DAPK2: variants seen among roughly 807,000 people sequenced by gnomAD.
The protein encoded by DAPK2 is death-associated protein kinase 2.
DAPK2 carries 35 observed loss-of-function variants against 44.1 expected under a neutral mutation model. The ratio of observed to expected loss-of-function variants is 0.79; its 90% confidence interval spans 0.61 to 1.05. The LOEUF (loss-of-function observed/expected upper bound fraction) is 1.05. DAPK2 is among the 50% of genes least tolerant of loss of function. The pLI, the probability that DAPK2 is intolerant of heterozygous loss-of-function variation, is 0.00. For missense variants in DAPK2, 453 were observed against 483.2 expected, an observed-to-expected ratio of 0.94 and a Z score of 0.59; for synonymous variants, 174 against 182.6, an observed-to-expected ratio of 0.95 and a Z score of 0.38.
chr15:64,024,259 C>A (rs172995), intron 1 of DAPK2, among the ~76,000 whole-genome samples: 101,018 of 152,028 alleles, frequency 0.66, 33,975 homozygotes, highest in East Asian at 0.79. Context: ...GGGTCCTTGC[C>A]TGAGACTTCA....
Position 63,908,470 on chromosome 15 carries a change from G to C in DAPK2, c.*50C>G. The C allele has an allele frequency of 7.5e-7, 1 of 1,340,246 alleles. No homozygotes were observed. The highest frequency in any genetic ancestry group is 1.0e-6 in the Non-Finnish European group (1 of 979,688). 83.0% of individuals were successfully genotyped at this position (1,340,246 alleles called of 1,614,324 possible). A position where few individuals can be genotyped will look rare whatever the true frequency, so the allele number is the denominator to read the frequency against. On this transcript the variant is annotated 3_prime_UTR_variant, in exon 11 of 11. Coordinates refer to ENST00000261891, the Ensembl canonical transcript of DAPK2. The surrounding 1 kb of genome is among the most constrained non-coding windows in gnomAD (Gnocchi z 5.7). ...TGGGTCCAAAAGTCTGCACAGAAGG[G>C]AGCCCCGCTGGGCCCAGACCTCCCT...
rs2080461741 is a variant in DAPK2, at chr15:64,046,313, T to C, written c.-22A>G. 2 of 964,408 alleles carry C rather than the reference T, an allele frequency of 2.1e-6. 1 individual carries two copies. The highest frequency in any genetic ancestry group is 1.0e-4 in the South Asian group (2 of 19,878). The allele number at this position is 964,408 out of a possible 1,614,324, so 59.7% of individuals were successfully genotyped here. ...TGCTACTCACGGCGGGAGGCTGAGC[T>C]GCCGCGGTCGCGGCCGCGGCAGGCG... On this transcript the variant is annotated 5_prime_UTR_variant, in exon 1 of 12. Coordinates refer to the DAPK2 transcript ENST00000457488. This position sits in a 1 kb window ranked among gnomAD's most constrained non-coding sequence, Gnocchi z 5.3.
intron 1 of DAPK2, among the ~76,000 whole-genome samples, chr15:64,034,439 G>T (rs976755902): frequency 1.3e-5 from 2 of 152,106 alleles, no homozygotes; most frequent in African/African-American, 2.4e-5. Flanking sequence ...TCCTTCCCCC[G>T]CCGAAGTCTC....
At chr15:63,940,580 C>T (rs141721916) in intron 3 of DAPK2, among the ~76,000 whole-genome samples, 1,670 of 152,004 alleles carry the variant, frequency 0.011, 14 homozygotes, top group Non-Finnish European at 0.015. Context: ...GGTGTGGTGG[C>T]GCACGCCTGT....
At chr15:64,026,459 G>A (rs1476848029) in intron 1 of DAPK2, among the ~76,000 whole-genome samples, 1 of 152,074 alleles carries the variant, frequency 6.6e-6, no homozygotes, top group East Asian at 1.9e-4. Context: ...GGCTAGGCTG[G>A]TCTCAAACTC....
At position 63,976,637 on chromosome 15, in the gene DAPK2, C is replaced by T. The variant is rs115393214; in HGVS notation, c.315-5076G>A. On this transcript the variant is annotated intron_variant, in intron 2 of 10. Coordinates refer to ENST00000261891, the Ensembl canonical transcript of DAPK2. Reference sequence around the variant, plus strand: ...GGAGGTTGAGAGGATCACCTGAGGTCGAGGCTGTAGTGAGCCGTGATTGTG... The same window carrying T: ...GGAGGTTGAGAGGATCACCTGAGGTTGAGGCTGTAGTGAGCCGTGATTGTG... Among the ~76,000 whole-genome samples, 595 of 151,898 alleles carry T rather than the reference C, an allele frequency of 3.9e-3. 6 individuals carry two copies. Among genetic ancestry groups the T allele is most frequent in the African/African-American group, 0.014 (566 of 41,418 alleles).
In DAPK2 at chr15:63,916,147, G is replaced by C. The variant is rs1037727080; in HGVS notation, c.859-3950C>G. On this transcript the variant is annotated intron_variant, in intron 8 of 10. Transcript: ENST00000261891. The surrounding 1 kb of genome is among the most constrained non-coding windows in gnomAD (Gnocchi z 4.7). ...GGGAAGCAAGAAGACAGAAAACTGT[G>C]GGGTAGTCAAGTTTTGTTTATGCAG... The C allele has an allele frequency of 3.3e-5, 5 of 151,938 alleles. No homozygotes were observed. The highest frequency in any genetic ancestry group is 5.9e-5 in the Non-Finnish European group (4 of 68,120). The allele number at this position is 151,938 out of a possible 1,614,324, so 9.4% of individuals were successfully genotyped here. A position where few individuals can be genotyped will look rare whatever the true frequency, so the allele number is the denominator to read the frequency against.
intron 3 of DAPK2, among the ~76,000 whole-genome samples, chr15:63,959,735 C>T (rs1471817538): frequency 1.3e-5 from 2 of 152,150 alleles, no homozygotes; most frequent in South Asian, 2.1e-4. Flanking sequence ...AGCTTTGTGA[C>T]GTGCTGCTGG....
chr15:64,011,537 G>A (rs1159598001), intron 1 of DAPK2, among the ~76,000 whole-genome samples: 1 of 152,162 alleles, frequency 6.6e-6, no homozygotes, highest in Non-Finnish European at 1.5e-5. Flanking sequence ...AGTGTTTGTG[G>A]AAGTGTTTAG....
intron 3 of DAPK2, among the ~76,000 whole-genome samples, chr15:63,960,770 T>C (rs770634573): frequency 1.3e-5 from 2 of 152,190 alleles, no homozygotes; most frequent in Non-Finnish European, 2.9e-5. Flanking sequence ...CTTCAAACTA[T>C]GTGGTCAATT....
rs1208648660 is a variant in DAPK2 at position 63,999,043 on chromosome 15, C to G, written c.93-15289G>C. Reference sequence around the variant, plus strand: ...TTTGTGAAATTTTCTACCTGCCAATCCCCCACAAAGTACACAGTAGGCGCT... The same window carrying G: ...TTTGTGAAATTTTCTACCTGCCAATGCCCCACAAAGTACACAGTAGGCGCT... On this transcript the variant is annotated intron_variant, in intron 1 of 10. Transcript: ENST00000261891. Among the ~76,000 whole-genome samples, 7 of 152,294 alleles carry G rather than the reference C, an allele frequency of 4.6e-5. No individual in the cohort carries two copies. The South Asian group carries it at 1.2e-3, about 27-fold the overall frequency.
rs145090475 is a variant in DAPK2 at position 63,983,668 on chromosome 15, C to G, written c.179G>C (p.Arg60Pro). ...CCGGCTCACACCGCGCCGGCTCGCC[C>G]GGCTCTGCCGCTTCTTGATGAACTT... The change falls in exon 2 of 11, where the codon CGG (arginine) becomes CCG (proline). Residue 60 changes from arginine (R) to proline (P), a missense_variant. Transcript: ENST00000261891. 3.0e-5 allele frequency: 48 copies of G among 1,613,798 alleles called. No individual in the cohort carries two copies. The South Asian group carries it at 5.0e-4, about 17-fold the overall frequency.
At chr15:64,043,708 A>G (rs1057323427), upstream of DAPK2, among the ~76,000 whole-genome samples, 3 of 152,340 alleles carry the variant, frequency 2.0e-5, no homozygotes, top group Non-Finnish European at 4.4e-5. Context: ...TCAAAATTTT[A>G]CATAATTTTT....
chr15:63,995,238 G>A (rs1348555982), intron 1 of DAPK2, among the ~76,000 whole-genome samples: 4 of 151,946 alleles, frequency 2.6e-5, no homozygotes, highest in African/African-American at 4.8e-5. Context: ...CTGGAATACA[G>A]TGGCACAATC....
rs200278398 is a variant in DAPK2 at position 63,930,399 on chromosome 15, C to A, written c.632+8G>T. 5.7e-3 allele frequency: 9,187 copies of A among 1,614,132 alleles called. 46 individuals carry two copies. The highest frequency in any genetic ancestry group is 7.1e-3 in the Non-Finnish European group (8,328 of 1,179,974). On this transcript the variant is annotated splice_region_variant and intron_variant, in intron 5 of 10. Transcript: ENST00000261891. ...CGCTAGGTCACCTGAGTGGCCTATC[C>A]AACTTACCACATGTCAGCCTCCAGA... is the stretch of plus-strand genomic sequence containing the variant.
intron 4 of DAPK2, among the ~76,000 whole-genome samples, chr15:63,937,430 C>T (rs921266366): frequency 2.6e-5 from 4 of 152,176 alleles, no homozygotes; most frequent in Admixed American, 2.6e-4. Flanking sequence ...CATCAATAAC[C>T]CACTCACACT....
chr15:64,036,326 T>TATATATACAC (rs1382394189), intron 1 of DAPK2, among the ~76,000 whole-genome samples: 2,165 of 109,694 alleles, frequency 0.02, 119 homozygotes, highest in African/African-American at 0.062. Context: ...TATGTATATA[T>TATATATACAC]ATATATATAT....
chr15:64,022,283 T>C (rs904885755), intron 1 of DAPK2, among the ~76,000 whole-genome samples: 1 of 152,234 alleles, frequency 6.6e-6, no homozygotes, highest in African/African-American at 2.4e-5. Flanking sequence ...CTGCAATTAT[T>C]AACATTTAAA....
intron 1 of DAPK2, among the ~76,000 whole-genome samples, chr15:63,993,019 G>A (rs964944556): frequency 6.6e-6 from 1 of 152,124 alleles, no homozygotes; most frequent in Non-Finnish European, 1.5e-5. Context: ...CTGTTACTGT[G>A]GGGGTACAGG....
Sources: allele counts gnomAD v4.1 joint callset (sites outside exome capture counted in the v4.1 genomes callset), GRCh38; gene constraint gnomAD v4.1.1; non-coding constraint Gnocchi (gnomAD v3.1); transcripts MANE v1.5; gene names NCBI Gene and HGNC (gene_info 2026-07-23, HGNC 2026-07-21).